Variants in STK11 observed in about 807,000 individuals in gnomAD.
The protein encoded by STK11 is serine/threonine-protein kinase STK11.
STK11 carries 8 observed loss-of-function variants against 47.3 expected under a neutral mutation model. That is an observed-to-expected ratio of 0.17 (90% CI 0.10 to 0.31). The LOEUF is 0.31. STK11 is among the 10% of genes least tolerant of loss of function. STK11 has a pLI of 1.00. For missense variants in STK11, 475 were observed against 605.0 expected, an observed-to-expected ratio of 0.79 and a Z score of 2.25; for synonymous variants, 330 against 255.8, an observed-to-expected ratio of 1.29 and a Z score of -2.77.
Position 1,227,894 on chromosome 19 carries a change from G to T in STK11, c.*318G>T, listed in dbSNP as rs1353106249. The stretch of plus-strand genomic sequence containing the variant: ...TATGTGGAGACTACTGGCCCCGCCC[G>T]TGGCCTCGTGCTCCGCAGGGCGCCC... On this transcript the variant is annotated 3_prime_UTR_variant, in exon 10 of 10. Transcript: ENST00000326873. 2.8e-6 allele frequency: 3 copies of T among 1,069,294 alleles called. No individual in the cohort carries two copies. In the African/African-American group the frequency reaches 4.9e-5, roughly 18 times the overall value. The allele number at this position is 1,069,294 out of a possible 1,614,324, so 66.2% of individuals were successfully genotyped here.
rs751929304 is a variant in STK11, at chr19:1,220,734, C to G, written c.734+17C>G. The G allele has an allele frequency of 1.9e-5, 30 of 1,600,552 alleles. No homozygotes were observed. In the African/African-American group the frequency reaches 2.3e-4, roughly 12 times the overall value. The stretch of plus-strand genomic sequence containing the variant: ...GGTCACCCTGTAAGTGCCCCGCCCC[C>G]CCGGGCACTCACCACACGCACACTC... On this transcript the variant is annotated intron_variant, in intron 5 of 9. Transcript: ENST00000326873.
chr19:1,223,674 A>G, intron 8 of STK11: 1 of 1,048,454 alleles, frequency 9.5e-7, no homozygotes, highest in Non-Finnish European at 1.2e-6. Flanking sequence ...CTTAGAGCGG[A>G]GCGCGGCTTG....
intron 1 of STK11, among the ~76,000 whole-genome samples, chr19:1,213,417 G>C (rs983227168): frequency 8.5e-5 from 13 of 152,180 alleles, no homozygotes; most frequent in African/African-American, 2.9e-4. Flanking sequence ...CCCCGTCTCT[G>C]TCAGCCATCA....
chr19:1,224,899 C>T (rs957588259), intron 8 of STK11: 8 of 985,598 alleles, frequency 8.1e-6, no homozygotes, highest in East Asian at 1.1e-4. Flanking sequence ...CAGGCTTCAG[C>T]GTGAGCCCCG....
rs59912467 is a variant in STK11, at chr19:1,223,126, C to G, written c.1062C>G (p.Phe354Leu). The part of the protein sequence containing the change: ...LHGADEDEDL[F>L]DIEDDIIYTQ... Reference sequence around the variant, plus strand: ...GCGCGGACGAGGACGAGGACCTCTTCGACATCGAGGATGACATCATCTACA... The same window carrying G: ...GCGCGGACGAGGACGAGGACCTCTTGGACATCGAGGATGACATCATCTACA... Residue 354 changes from phenylalanine to leucine, a missense_variant, in exon 8 of 10, where the codon TTC (phenylalanine) becomes TTG (leucine). Transcript: ENST00000326873. 5.1e-3 allele frequency: 8,225 copies of G among 1,611,676 alleles called. 56 individuals are homozygous for G. Among genetic ancestry groups the G allele is most frequent in the East Asian group, 0.04 (1,772 of 44,838 alleles).
intron 8 of STK11, chr19:1,224,213 G>GC (rs1288102390): frequency 2.0e-6 from 2 of 984,748 alleles, no homozygotes; most frequent in African/African-American, 1.8e-5. Context: ...GTGTCTGGGG[G>GC]CCCCCCAGGA....
chr19:1,209,979 G>A (rs772985378), intron 1 of STK11, among the ~76,000 whole-genome samples: 9 of 152,168 alleles, frequency 5.9e-5, no homozygotes, highest in Admixed American at 1.3e-4. Context: ...AGTGTTCAGC[G>A]TCCAATTTCA....
intron 6 of STK11, chr19:1,221,584 C>T: frequency 1.6e-6 from 1 of 626,814 alleles, no homozygotes; most frequent in Non-Finnish European, 2.7e-6. Context: ...CCCTGCGCCT[C>T]CCCCAGCCCC....
chr19:1,226,207 G>A (rs779227052), intron 8 of STK11: 28 of 1,355,814 alleles, frequency 2.1e-5, no homozygotes, highest in Non-Finnish European at 2.4e-5. Context: ...GGCCATGGCA[G>A]GTGCAACAGA....
intron 8 of STK11, chr19:1,224,782 G>A (rs1297710347): frequency 4.1e-6 from 4 of 985,626 alleles, no homozygotes; most frequent in Non-Finnish European, 4.8e-6. Flanking sequence ...CCCAGCAGGG[G>A]GAAGGGCCGC....
chr19:1,208,332 GAGTCTCGCTCTGT>G lies in STK11; in HGVS notation c.290+1130_290+1142del, dbSNP rs1490621843. Among the ~76,000 whole-genome samples the G allele has an allele frequency of 2.7e-4, 40 of 148,844 alleles. 1 individual carries two copies. Among genetic ancestry groups the G allele is most frequent in the African/African-American group, 9.6e-4 (39 of 40,464 alleles). On this transcript the variant is annotated intron_variant, in intron 1 of 9. Coordinates refer to ENST00000326873, the MANE Select transcript of STK11 (RefSeq NM_000455.5). ...TTTTTTTTTTTTTTTTTTTGAGACG[GAGTCTCGCTCTGT>G]TCCCCAGGCTGGAGTGCAGTGGCGC...
At chr19:1,221,450 G>A (rs2080783874) in intron 6 of STK11, 110 bp downstream of exon 6, 7 of 1,435,396 alleles carry the variant, frequency 4.9e-6, no homozygotes, top group South Asian at 1.4e-5. Context: ...ACCCCAGCAG[G>A]CATTGAGAGG....
intron 1 of STK11, among the ~76,000 whole-genome samples, chr19:1,216,849 A>AG (rs2080748126): frequency 6.6e-6 from 1 of 151,592 alleles, no homozygotes; most frequent in Non-Finnish European, 1.5e-5. Flanking sequence ...AAAAAAAAAA[A>AG]AGTGCATCAC....
rs768058962 is a variant in STK11, at chr19:1,226,538, C to G, written c.1193C>G (p.Ala398Gly). The G allele has an allele frequency of 1.2e-6, 2 of 1,605,436 alleles. No homozygotes were observed. The highest frequency in any genetic ancestry group is 4.5e-5 in the East Asian group (2 of 44,502). The change falls in exon 9 of 10, where the codon GCG (alanine) becomes GGG (glycine). Residue 398 changes from alanine (A) to glycine (G), a missense_variant. This residue lies in a region of STK11 where 219 missense variants were observed against 189.2 expected (regional missense o/e 1.16). Transcript: ENST00000326873. ...KAVCMNGTEA[A>G]QLSTKSRAEG... is the part of the protein sequence containing the mutation. ...GTGTGTATGAACGGCACAGAGGCGG[C>G]GCAGCTGAGCACCAAATCCAGGGCG...
At chr19:1,223,253 A>G (rs1170025804) in intron 8 of STK11, 81 bp downstream of exon 8, 1 of 1,487,548 alleles carries the variant, frequency 6.7e-7, no homozygotes, top group African/African-American at 1.4e-5. Flanking sequence ...GCCTGTCTGC[A>G]ACAAGGACAG....
At position 1,206,676 on chromosome 19, in the gene STK11, C is replaced by G. The variant is rs1413041706; in HGVS notation, c.-238C>G. 1.8e-6 allele frequency: 1 copy of G among 568,096 alleles called. No homozygotes were observed. The highest frequency in any genetic ancestry group is 1.9e-5 in the African/African-American group (1 of 52,924). The allele number at this position is 568,096 out of a possible 1,614,324, so 35.2% of individuals were successfully genotyped here. On this transcript the variant is annotated 5_prime_UTR_variant, in exon 1 of 10. Transcript: ENST00000326873. ...CGCGTCTGAGCCGCCGTCCCGGACC[C>G]CCGGTGCCCGCCGGTCCGCAGACCC...
intron 1 of STK11, among the ~76,000 whole-genome samples, chr19:1,214,494 C>G (rs1402321909): frequency 6.6e-6 from 1 of 152,214 alleles, no homozygotes; most frequent in East Asian, 1.9e-4. Context: ...AGGGCGAGTC[C>G]TCCTGTGCCC....
At chr19:1,226,151 A>C (rs940136342) in intron 8 of STK11, 3 of 1,221,016 alleles carry the variant, frequency 2.5e-6, no homozygotes, top group African/African-American at 3.2e-5. Context: ...CTTGCCTCCT[A>C]CTCGTGAGGT....
intron 1 of STK11, among the ~76,000 whole-genome samples, chr19:1,208,126 G>A (rs1288692826): frequency 2.0e-5 from 3 of 152,086 alleles, no homozygotes; most frequent in African/African-American, 4.8e-5. Context: ...CTTATCTGCT[G>A]GGCTAGGCCT....
Sources: allele counts gnomAD v4.1 joint callset (sites outside exome capture counted in the v4.1 genomes callset), GRCh38; gene constraint gnomAD v4.1.1; regional missense constraint gnomAD v4.1.1; transcripts MANE v1.5; gene names NCBI Gene and HGNC (gene_info 2026-07-23, HGNC 2026-07-21).